The following CYP2C19 variants were observed in gnomAD, a reference collection of about 807,000 sequenced individuals.
CYP2C19 encodes cytochrome P450 2C19.
In CYP2C19, 59 loss-of-function variants were observed where a neutral mutation model predicts 40.9. The observed-to-expected ratio is 1.44, with a 90% CI of 1.17 to 1.79. The LOEUF (loss-of-function observed/expected upper bound fraction) is 1.79. Ranked by LOEUF, CYP2C19 falls within the 40% of genes most tolerant of loss-of-function variation. CYP2C19 has a pLI of 0.00. For synonymous variants in CYP2C19, 253 were observed against 208.7 expected (o/e 1.21, Z -1.83); for missense variants, 754 against 596.9 (o/e 1.26, Z -2.74).
At position 94,780,624 on chromosome 10, in the gene CYP2C19, G is replaced by A. The variant is rs772665310; in HGVS notation, c.607G>A (p.Glu203Lys). The A allele has an allele frequency of 7.4e-6, 12 of 1,613,636 alleles. No homozygotes were observed. The highest frequency in any genetic ancestry group is 8.5e-6 in the Non-Finnish European group (10 of 1,179,868). Residue 203 changes from glutamate (E) to lysine (K), a missense_variant, in exon 4 of 9, where the codon GAA becomes AAA. By Grantham distance (56) the Glu-to-Lys change is moderately conservative. Coordinates refer to ENST00000371321, the MANE Select transcript of CYP2C19 (RefSeq NM_000769.4). ...QFLNLMEKLNENIRIVSTPWI... is the reference protein window; with the variant it reads ...QFLNLMEKLNKNIRIVSTPWI... ...TCTTAACTTGATGGAAAAATTGAAT[G>A]AAAACATCAGGATTGTAAGCACCCC...
chr10:94,847,920 G>A (rs573085561), intron 7 of CYP2C19, among the ~76,000 whole-genome samples: 69 of 152,164 alleles, frequency 4.5e-4, no homozygotes, highest in African/African-American at 1.3e-3. Flanking sequence ...TTTTTGATGC[G>A]GTTGTTTGTT....
At chr10:94,840,344 TGTG>T (rs1256323040) in intron 6 of CYP2C19, among the ~76,000 whole-genome samples, 5 of 151,276 alleles carry the variant, frequency 3.3e-5, no homozygotes, top group African/African-American at 1.2e-4. Context: ...CCCTGGCAAG[TGTG>T]GTGGGGAATG....
At chr10:94,773,241 C>T (rs1031171970) in intron 1 of CYP2C19, among the ~76,000 whole-genome samples, 4 of 152,144 alleles carry the variant, frequency 2.6e-5, no homozygotes, top group African/African-American at 9.6e-5. Context: ...AGAATTGGTT[C>T]CTTCCGGTGG....
intron 5 of CYP2C19, among the ~76,000 whole-genome samples, chr10:94,798,814 A>ATTTTTTTTTTTTTTTTTTTTTTTTT (rs61240923): frequency 1.5e-5 from 1 of 67,696 alleles, no homozygotes; most frequent in Non-Finnish European, 2.8e-5. Flanking sequence ...GCAACCCCTG[A>ATTTTTTTTTTTTTTTTTTTTTTTTT]TTTTTTTTTT....
chr10:94,773,964 T>C (rs1262013622), intron 1 of CYP2C19: 1 of 152,202 alleles, frequency 6.6e-6, no homozygotes. Flanking sequence ...AGAGTGCTGA[T>C]TGGTGTGTTT....
intron 6 of CYP2C19, among the ~76,000 whole-genome samples, chr10:94,826,766 G>C (rs1428414795): frequency 1.3e-5 from 2 of 152,134 alleles, no homozygotes; most frequent in East Asian, 3.9e-4. Context: ...TCCAGTTTTT[G>C]CCCATTCAGT....
chr10:94,837,446 G>A (rs1849421933), intron 6 of CYP2C19, among the ~76,000 whole-genome samples: 1 of 152,146 alleles, frequency 6.6e-6, no homozygotes, highest in South Asian at 2.1e-4. Context: ...TCAAGCAGGG[G>A]ACAACCAATG....
At chr10:94,814,302 G>C (rs1024571482) in intron 5 of CYP2C19, among the ~76,000 whole-genome samples, 1 of 151,846 alleles carries the variant, frequency 6.6e-6, no homozygotes, top group African/African-American at 2.4e-5. Flanking sequence ...TTGAATATTT[G>C]TGAATTTTTT....
At chr10:94,775,644 TG>T in intron 3 of CYP2C19, 105 bp downstream of exon 3, 1 of 1,590,908 alleles carries the variant, frequency 6.3e-7, no homozygotes, top group South Asian at 1.1e-5. Context: ...TTTGGAGTCC[TG>T]GTTGTTAGCT....
At chr10:94,816,231 G>A (rs1848999544) in intron 5 of CYP2C19, among the ~76,000 whole-genome samples, 1 of 149,160 alleles carries the variant, frequency 6.7e-6, no homozygotes, top group African/African-American at 2.5e-5. Flanking sequence ...ACACCATACA[G>A]TATTTTTTCT....
chr10:94,825,508 GT>G (rs1354844797), intron 6 of CYP2C19, among the ~76,000 whole-genome samples: 3 of 142,284 alleles, frequency 2.1e-5, no homozygotes, highest in Admixed American at 1.4e-4. Flanking sequence ...GGGGTTGTTT[GT>G]TTTTTTCTTG....
chr10:94,833,218 A>T (rs914976796), intron 6 of CYP2C19, among the ~76,000 whole-genome samples: 1 of 152,118 alleles, frequency 6.6e-6, no homozygotes, highest in Non-Finnish European at 1.5e-5. Flanking sequence ...GGATATTTTG[A>T]CTTATTCCTT....
At chr10:94,776,291 C>T (rs1848407588) in intron 3 of CYP2C19, 1 of 151,854 alleles carries the variant, frequency 6.6e-6, no homozygotes, top group Non-Finnish European at 1.5e-5. Flanking sequence ...AATTTTTATT[C>T]CTTAAGTATA....
At chr10:94,810,557 T>C (rs1407787755) in intron 5 of CYP2C19, among the ~76,000 whole-genome samples, 3 of 152,164 alleles carry the variant, frequency 2.0e-5, no homozygotes, top group Non-Finnish European at 4.4e-5. Flanking sequence ...GCTGCCTCAA[T>C]TTCAGAACTT....
At chr10:94,832,855 A>G (rs1033547874) in intron 6 of CYP2C19, among the ~76,000 whole-genome samples, 3 of 152,072 alleles carry the variant, frequency 2.0e-5, no homozygotes, top group Non-Finnish European at 4.4e-5. Flanking sequence ...TTTTGATAGT[A>G]TGGACATTTT....
intron 1 of CYP2C19, among the ~76,000 whole-genome samples, chr10:94,770,408 G>C (rs980011200): frequency 2.4e-4 from 37 of 152,136 alleles, no homozygotes; most frequent in African/African-American, 8.9e-4. Flanking sequence ...GCTATTTTCT[G>C]TCCTCTCTGA....
intron 5 of CYP2C19, among the ~76,000 whole-genome samples, chr10:94,815,692 A>G (rs939460869): frequency 1.3e-5 from 2 of 152,178 alleles, no homozygotes; most frequent in Non-Finnish European, 2.9e-5. Flanking sequence ...CACTACTTGC[A>G]TTCTAGAAAA....
intron 1 of CYP2C19, among the ~76,000 whole-genome samples, chr10:94,770,972 C>T (rs1193025558): frequency 6.6e-6 from 1 of 152,200 alleles, no homozygotes; most frequent in Non-Finnish European, 1.5e-5. Flanking sequence ...TCTCAGGCTG[C>T]AGCTAAAGCC....
chr10:94,803,186 C>A (rs1715724513), intron 5 of CYP2C19, among the ~76,000 whole-genome samples: 1 of 152,042 alleles, frequency 6.6e-6, no homozygotes, highest in Non-Finnish European at 1.5e-5. Context: ...GAGAGGCAAC[C>A]CCTTCTGATT....
Sources: gnomAD v4.1 joint callset for allele counts (sites outside exome capture counted in the v4.1 genomes callset) on GRCh38, gnomAD v4.1.1 for gene constraint, MANE v1.5 for transcripts, NCBI Gene and HGNC (gene_info 2026-07-23, HGNC 2026-07-21) for gene names.